The following CLEC10A variants were observed in gnomAD, a reference collection of about 807,000 sequenced individuals.
CLEC10A encodes C-type lectin domain family 10 member A.
In CLEC10A, 38 loss-of-function variants were observed where a neutral mutation model predicts 42.0. The ratio of observed to expected loss-of-function variants is 0.90; its 90% CI spans 0.70 to 1.18. The LOEUF (loss-of-function observed/expected upper bound fraction) is 1.18. Ranked by LOEUF, CLEC10A falls within the 50% of genes most tolerant of loss-of-function variation. The pLI is 0.00. For missense variants in CLEC10A, 298 were observed against 345.9 expected (o/e 0.86, Z 1.10); for synonymous variants, 126 against 139.9 (o/e 0.90, Z 0.70).
intron 1 of CLEC10A, among the ~76,000 whole-genome samples, chr17:7,079,589 A>G (rs1329264207): frequency 2.0e-5 from 3 of 152,152 alleles, no homozygotes; most frequent in African/African-American, 7.2e-5. Context: ...TCTCAAAAAA[A>G]AAGAAAATGT....
At chr17:7,078,635 C>A in intron 2 of CLEC10A, 111 bp downstream of exon 2, 1 of 1,040,954 alleles carries the variant, frequency 9.6e-7, no homozygotes. Context: ...GGCCTGACCT[C>A]CTCAGAGTTA....
intron 2 of CLEC10A, chr17:7,078,478 A>G (rs1911987796): frequency 1.9e-6 from 1 of 532,076 alleles, no homozygotes; most frequent in African/African-American, 1.9e-5. Flanking sequence ...TTCCTTCCAA[A>G]CCCAACTACT....
In CLEC10A at chr17:7,076,956, C is replaced by T. The variant is rs1221225737; in HGVS notation, c.216G>A (p.Leu72=). The T allele has an allele frequency of 2.5e-6, 4 of 1,613,772 alleles. No individual in the cohort carries two copies. The highest frequency in any genetic ancestry group is 3.4e-6 in the Non-Finnish European group (4 of 1,179,932). Residue 72 remains leucine (L), a synonymous_variant, in exon 4 of 9, where the codon CTG becomes CTA. Transcript: ENST00000416562. ...NSKFQRDLVT[L]RTDFSNFTSN... Reference sequence around the variant, plus strand: ...AGGTGAAGTTGCTAAAATCTGTTCTCAGGGTCACCAGGTCCCTCTGAAATT... The same window carrying T: ...AGGTGAAGTTGCTAAAATCTGTTCTTAGGGTCACCAGGTCCCTCTGAAATT...
intron 5 of CLEC10A, chr17:7,076,303 CTTTCT>C: frequency 1.8e-5 from 9 of 493,544 alleles, no homozygotes; most frequent in Non-Finnish European, 2.0e-5. Context: ...TTCTTTCTTT[CTTTCT>C]TTTTTTTTTT....
intron 5 of CLEC10A, 74 bp from the exon 6 acceptor site, chr17:7,076,145 A>T (rs774070053): frequency 5.0e-6 from 8 of 1,613,944 alleles, no homozygotes; most frequent in Non-Finnish European, 1.7e-6. Context: ...CCTGGAGCTC[A>T]GATACCCCTG....
At chr17:7,077,782 G>GTGCCCTCTCCTCCATTCCCATCAA (rs1911932077) in intron 3 of CLEC10A, among the ~76,000 whole-genome samples, 2 of 46,030 alleles carry the variant, frequency 4.3e-5, no homozygotes, top group Non-Finnish European at 4.4e-5. Context: ...TGCCCCATCA[G>GTGCCCTCTCCTCCATTCCCATCAA]TGCTTCAGTG....
chr17:7,078,757 C>T lies in CLEC10A; in HGVS notation c.56G>A (p.Gly19Glu). Reference sequence around the variant, plus strand: ...CCCTTTCCTCTTACCATTTTTAAACCCCTGGACTTTCACCTTATTCTCCAA... The same window carrying T: ...CCCTTTCCTCTTACCATTTTTAAACTCCTGGACTTTCACCTTATTCTCCAA... ...QYLENKVKVQ[G>E]FKNGPLPLQS... Residue 19 changes from glycine to glutamate, a missense_variant, in exon 2 of 9, where the codon GGG (glycine) becomes GAG (glutamate). Gly to Glu is a moderately conservative substitution (Grantham distance 98). This residue lies in a region of CLEC10A where 27 missense variants were observed against 37.0 expected (regional missense o/e 0.73). Coordinates refer to ENST00000416562, the MANE Select transcript of CLEC10A (RefSeq NM_001330070.2). The T allele has an allele frequency of 6.2e-7, 1 of 1,614,082 alleles. No homozygotes were observed. The highest frequency in any genetic ancestry group is 8.5e-7 in the Non-Finnish European group (1 of 1,179,968).
At chr17:7,078,628 C>A in intron 2 of CLEC10A, 118 bp downstream of exon 2, 1 of 959,256 alleles carries the variant, frequency 1.0e-6, no homozygotes, top group Non-Finnish European at 1.7e-6. Flanking sequence ...AGGCTGGGGC[C>A]TGACCTCCTC....
intron 3 of CLEC10A, among the ~76,000 whole-genome samples, chr17:7,077,641 C>A (rs1388263734): frequency 7.9e-6 from 1 of 126,244 alleles, no homozygotes; most frequent in East Asian, 2.6e-4. Context: ...TGCCCCCCAC[C>A]ATTCCCATAA....
In CLEC10A at chr17:7,074,939, T is replaced by C. The variant is rs549237793; in HGVS notation, c.*115A>G. 260 of 753,006 alleles carry C rather than the reference T, an allele frequency of 3.5e-4. No homozygotes were observed. The highest frequency in any genetic ancestry group is 4.4e-4 in the Non-Finnish European group (223 of 504,962). 46.6% of individuals were successfully genotyped at this position (753,006 alleles called of 1,614,324 possible). ...AGAAAAAAATTCAAAATGTTAGCAG[T>C]GCTTCCAATCTCCCAGTGCTTATTT... is the stretch of plus-strand genomic sequence containing the variant. On this transcript the variant is annotated 3_prime_UTR_variant, in exon 9 of 9. Coordinates refer to ENST00000416562, the MANE Select transcript of CLEC10A (RefSeq NM_001330070.2).
rs1377908110 is a variant in CLEC10A at position 7,079,477 on chromosome 17, G to T, written c.-74+575C>A. 2.6e-5 allele frequency among the ~76,000 whole-genome samples: 4 copies of T among 152,158 alleles called. No homozygotes were observed. In the East Asian group the frequency reaches 7.8e-4, roughly 30 times the overall value. On this transcript the variant is annotated intron_variant, in intron 1 of 8. Transcript: ENST00000416562. ...GTGCGCCTGTAATCCCAGCTACTTGGGAGGCTGAGGCAGGAGAATCACTTG... is the reference window on the plus strand; with the variant it reads ...GTGCGCCTGTAATCCCAGCTACTTGTGAGGCTGAGGCAGGAGAATCACTTG...
At chr17:7,076,596 A>G in intron 5 of CLEC10A, 137 bp downstream of exon 5, 2 of 988,384 alleles carry the variant, frequency 2.0e-6, no homozygotes, top group South Asian at 1.3e-5. Context: ...ACAGGCGTGA[A>G]CCACTGCGCC....
chr17:7,077,900 C>T, intron 3 of CLEC10A, 97 bp downstream of exon 3: 1 of 916,294 alleles, frequency 1.1e-6, no homozygotes, highest in Non-Finnish European at 1.8e-6. Context: ...CTACTGTGGA[C>T]CTCACCATCG....
Position 7,078,827 on chromosome 17 carries a change from G to T in CLEC10A, c.-15C>A. 1.2e-6 allele frequency: 2 copies of T among 1,613,836 alleles called. No homozygotes were observed. Among genetic ancestry groups the T allele is most frequent in the Non-Finnish European group, 1.7e-6 (2 of 1,179,780 alleles). On this transcript the variant is annotated 5_prime_UTR_variant, in exon 2 of 9. Transcript: ENST00000416562. ...GTCCTTGTCATGCTTGGGCCAACACGGCTCTGAGGTTGTCACAGCTGAAAT... is the reference window on the plus strand; with the variant it reads ...GTCCTTGTCATGCTTGGGCCAACACTGCTCTGAGGTTGTCACAGCTGAAAT...
rs1190906708 is a variant in CLEC10A at position 7,076,886 on chromosome 17, A to T, written c.280+6T>A. 3.1e-6 allele frequency: 5 copies of T among 1,613,040 alleles called. No homozygotes were observed. The highest frequency in any genetic ancestry group is 3.4e-6 in the Non-Finnish European group (4 of 1,179,670). On this transcript the variant is annotated splice_donor_region_variant and intron_variant, in intron 4 of 8. Coordinates refer to ENST00000416562, the MANE Select transcript of CLEC10A (RefSeq NM_001330070.2). ...CAGCCCAGAGCCCCATCCAAACCAG[A>T]CTCACCCTGGGAAGTCAGTGCCTGG... is the stretch of plus-strand genomic sequence containing the variant.
chr17:7,076,165 A>C (rs1420501610), intron 5 of CLEC10A, 94 bp from the exon 6 acceptor site: 1 of 1,611,318 alleles, frequency 6.2e-7, no homozygotes, highest in Non-Finnish European at 8.5e-7. Context: ...GCACAGGGCC[A>C]AGCCAGGGAA....
At chr17:7,079,117 G>A (rs1029612705) in intron 1 of CLEC10A, among the ~76,000 whole-genome samples, 3 of 152,206 alleles carry the variant, frequency 2.0e-5, no homozygotes, top group African/African-American at 7.2e-5. Flanking sequence ...GGCAGGACTG[G>A]AGGTTGTATC....
chr17:7,077,437 CATCGATCACTGCATCA>C (rs1424381093), intron 3 of CLEC10A, among the ~76,000 whole-genome samples: 85 of 138,534 alleles, frequency 6.1e-4, no homozygotes, highest in Non-Finnish European at 9.9e-4. Context: ...TCACCATTCC[CATCGATCACTGCATCA>C]GTGCCCCCCA....
chr17:7,076,152 C>T, intron 5 of CLEC10A, 81 bp from the exon 6 acceptor site: 2 of 1,613,702 alleles, frequency 1.2e-6, no homozygotes, highest in South Asian at 1.1e-5. Flanking sequence ...CTCAGATACC[C>T]CTGCACAGGG....
Sources: gnomAD v4.1 joint callset for allele counts (sites outside exome capture counted in the v4.1 genomes callset) on GRCh38, gnomAD v4.1.1 for gene constraint, gnomAD v4.1.1 regional missense constraint, MANE v1.5 for transcripts, NCBI Gene and HGNC (gene_info 2026-07-23, HGNC 2026-07-21) for gene names.